The following HOXA3 variants were observed in gnomAD, a reference collection of about 807,000 sequenced individuals.
HOXA3 encodes the protein homeobox A3.
HOXA3 carries 8 observed loss-of-function variants against 30.3 expected under a neutral mutation model. The ratio of observed to expected loss-of-function variants is 0.26; its 90% CI spans 0.15 to 0.48. HOXA3 has a LOEUF of 0.48. Ranked by LOEUF, HOXA3 falls within the 20% of genes least tolerant of loss-of-function variation. HOXA3 has a pLI of 0.99. For synonymous variants in HOXA3, 323 were observed against 273.1 expected (o/e 1.18, Z -1.80); for missense variants, 653 against 614.4 (o/e 1.06, Z -0.66).
At chr7:27,149,102 A>T (rs1480882520) in intron 1 of HOXA3, among the ~76,000 whole-genome samples, 1 of 152,250 alleles carries the variant, frequency 6.6e-6, no homozygotes, top group Non-Finnish European at 1.5e-5. Flanking sequence ...CAGACAGGAC[A>T]TTAAAAGCCT....
At chr7:27,109,437 C>A in intron 5 of HOXA3, among the ~76,000 whole-genome samples, 1 of 152,244 alleles carries the variant, frequency 6.6e-6, no homozygotes. Context: ...CAGAGCAGGG[C>A]ACTGGCAACT....
chr7:27,137,648 C>T (rs1032205051), intron 2 of HOXA3, among the ~76,000 whole-genome samples: 2 of 152,232 alleles, frequency 1.3e-5, no homozygotes, highest in Non-Finnish European at 2.9e-5. Flanking sequence ...ACACATAGGT[C>T]TGACTGCATG....
chr7:27,152,379 A>G lies in HOXA3; in HGVS notation c.-585T>C. ...GAATTGTCCTCTTTCCTGGTGCCAG[A>G]GGACGCAGGAAATTAGCCAGGTTGC... is the stretch of plus-strand genomic sequence containing the variant. On this transcript the variant is annotated 5_prime_UTR_variant, in exon 1 of 6. Transcript: ENST00000612286. The G allele has an allele frequency of 8.4e-7, 1 of 1,189,746 alleles. No individual in the cohort carries two copies. 73.7% of individuals were successfully genotyped at this position (1,189,746 alleles called of 1,614,324 possible).
chr7:27,143,382 T>C (rs768261566), intron 1 of HOXA3: 10 of 1,598,058 alleles, frequency 6.3e-6, no homozygotes, highest in Non-Finnish European at 8.5e-6. Context: ...GCGCTGGCGC[T>C]GGCAGCGTAG....
intron 1 of HOXA3, chr7:27,141,113 C>CAAAAAA (rs147485948): frequency 4.8e-3 from 399 of 82,870 alleles, no homozygotes; most frequent in African/African-American, 0.013. Flanking sequence ...AAAACAAATA[C>CAAAAAA]AAAAAAAAAA....
At chr7:27,143,149 G>A in intron 1 of HOXA3, 1 of 1,609,480 alleles carries the variant, frequency 6.2e-7, no homozygotes, top group South Asian at 1.1e-5. Context: ...TGCTGGCAGG[G>A]GCGTCCTCCT....
chr7:27,108,041 C>T lies in HOXA3; in HGVS notation c.1206G>A (p.Gly402=). ...ASGAMDYGGA[G]PLGSGHHHGP... is the part of the protein sequence containing the mutation. ...CGTGGTGGTGGCCGCTGCCCAGCGG[C>T]CCGGCACCCCCATAGTCCATGGCGC... The change falls in exon 6 of 6, where the codon GGG becomes GGA. Residue 402 remains glycine (G), a synonymous_variant. Coordinates refer to ENST00000612286, the MANE Select transcript of HOXA3 (RefSeq NM_153631.3). The surrounding 1 kb of genome is among the most constrained non-coding windows in gnomAD (Gnocchi z 5.0). The T allele has an allele frequency of 6.2e-7, 1 of 1,612,958 alleles. No homozygotes were observed. The highest frequency in any genetic ancestry group is 8.5e-7 in the Non-Finnish European group (1 of 1,179,332).
chr7:27,125,451 T>C (rs1401715413), intron 3 of HOXA3, among the ~76,000 whole-genome samples: 1 of 152,202 alleles, frequency 6.6e-6, no homozygotes, highest in African/African-American at 2.4e-5. Flanking sequence ...CAGAGTTCTG[T>C]AAGTTGCAGC....
rs530214829 is a variant in HOXA3 at position 27,108,183 on chromosome 7, T to C, written c.1064A>G (p.Tyr355Cys). ...HAHGLQGNGS[Y>C]GTPHIQGSPV... ...GCTTCCCTGTATGTGTGGGGTCCCA[T>C]AGCTGCCGTTGCCCTGCAGGCCATG... Residue 355 changes from tyrosine (Y) to cysteine (C), a missense_variant, in exon 6 of 6, where the codon TAT (tyrosine) becomes TGT (cysteine). By Grantham distance (194) the Tyr-to-Cys change is radical. This residue lies in a region of HOXA3 where 330 missense variants were observed against 274.4 expected (regional missense o/e 1.20). Transcript: ENST00000612286. The surrounding 1 kb of genome is among the most constrained non-coding windows in gnomAD (Gnocchi z 5.0). The C allele has an allele frequency of 4.5e-6, 7 of 1,551,044 alleles. No individual in the cohort carries two copies. Among genetic ancestry groups the C allele is most frequent in the South Asian group, 3.6e-5 (3 of 83,214 alleles).
chr7:27,110,758 G>A lies in HOXA3; in HGVS notation c.-118C>T. 1 of 1,511,164 alleles carries A rather than the reference G, an allele frequency of 6.6e-7. No homozygotes were observed. The highest frequency in any genetic ancestry group is 9.0e-7 in the Non-Finnish European group (1 of 1,111,356). The allele number at this position is 1,511,164 out of a possible 1,614,324, so 93.6% of individuals were successfully genotyped here. A position where few individuals can be genotyped will look rare whatever the true frequency, so the allele number is the denominator to read the frequency against. Reference sequence around the variant, plus strand: ...CCGCCGCCAATGGCCGCCCCGCGCAGACCTGGTGGGGCGAGAAGCGCAGCG... The same window carrying A: ...CCGCCGCCAATGGCCGCCCCGCGCAAACCTGGTGGGGCGAGAAGCGCAGCG... On this transcript the variant is annotated splice_region_variant and 5_prime_UTR_variant, in exon 5 of 6. Coordinates refer to ENST00000612286, the MANE Select transcript of HOXA3 (RefSeq NM_153631.3).
At chr7:27,118,071 A>G (rs1784817685) in intron 4 of HOXA3, among the ~76,000 whole-genome samples, 1 of 152,274 alleles carries the variant, frequency 6.6e-6, no homozygotes, top group South Asian at 2.1e-4. Flanking sequence ...CCTGTCCATG[A>G]GCCAGGGTCT....
chr7:27,130,466 A>T, intron 2 of HOXA3: 1 of 1,248,634 alleles, frequency 8.0e-7, no homozygotes, highest in Non-Finnish European at 1.0e-6. Flanking sequence ...TGCGCGGGGT[A>T]CAGCGCGGCA....
chr7:27,122,568 T>C lies in HOXA3; in HGVS notation c.-130A>G, dbSNP rs1426006403. 6.6e-6 allele frequency: 1 copy of C among 152,208 alleles called. No individual in the cohort carries two copies. The highest frequency in any genetic ancestry group is 1.5e-5 in the Non-Finnish European group (1 of 68,032). The allele number at this position is 152,208 out of a possible 1,614,324, so 9.4% of individuals were successfully genotyped here. ...TTGGAGCAGCGCTTACCTAGAAAGA[T>C]GTTTAAATTCTGAACCAGGAATTGT... is the stretch of plus-strand genomic sequence containing the variant. On this transcript the variant is annotated 5_prime_UTR_variant, in exon 4 of 6. Coordinates refer to ENST00000612286, the MANE Select transcript of HOXA3 (RefSeq NM_153631.3).
chr7:27,144,132 C>T (rs73290307), intron 1 of HOXA3, among the ~76,000 whole-genome samples: 11,198 of 152,326 alleles, frequency 0.074, 885 homozygotes, highest in African/African-American at 0.2. Flanking sequence ...TTATTTACAA[C>T]AACTTTATTT....
intron 2 of HOXA3, among the ~76,000 whole-genome samples, chr7:27,132,072 T>C (rs1177188057): frequency 7.2e-5 from 11 of 152,248 alleles, no homozygotes; most frequent in Non-Finnish European, 1.5e-5. Context: ...TGATGCCTTA[T>C]TTGTGCTGTG....
chr7:27,143,018 C>A lies in HOXA3; in HGVS notation c.-493-2832G>T, dbSNP rs1782628845. The A allele has an allele frequency of 3.3e-6, 5 of 1,494,390 alleles. No homozygotes were observed. In the African/African-American group the frequency reaches 5.8e-5, roughly 17 times the overall value. 92.6% of individuals were successfully genotyped at this position (1,494,390 alleles called of 1,614,324 possible). On this transcript the variant is annotated intron_variant, in intron 1 of 5. Transcript: ENST00000612286. ...ACCGAGAGCCGCGTCCCCGCGGTCG[C>A]GTGGATTTAGAAAAAGGCTGGCTTT... is the stretch of plus-strand genomic sequence containing the variant.
chr7:27,133,790 G>A (rs545454223), intron 2 of HOXA3, among the ~76,000 whole-genome samples: 23 of 152,156 alleles, frequency 1.5e-4, no homozygotes, highest in Non-Finnish European at 2.8e-4. Flanking sequence ...CAAAGTGACC[G>A]AACAGTGACA....
intron 4 of HOXA3, among the ~76,000 whole-genome samples, chr7:27,114,871 T>TTA (rs1554336707): frequency 2.4e-4 from 27 of 110,806 alleles, no homozygotes; most frequent in African/African-American, 5.6e-4. Flanking sequence ...ATAATATATA[T>TTA]TATATATATG....
At chr7:27,129,956 G>C in intron 2 of HOXA3, 1 of 758,558 alleles carries the variant, frequency 1.3e-6, no homozygotes. Context: ...GGATCAGGCG[G>C]CTGGCTGGCG....
Sources: gnomAD v4.1 joint callset for allele counts (sites outside exome capture counted in the v4.1 genomes callset) on GRCh38, gnomAD v4.1.1 for gene constraint, gnomAD v4.1.1 regional missense constraint, Gnocchi (gnomAD v3.1) non-coding constraint, MANE v1.5 for transcripts, NCBI Gene and HGNC (gene_info 2026-07-23, HGNC 2026-07-21) for gene names.